AHCYL2: variants seen among roughly 807,000 people sequenced by gnomAD.
AHCYL2 encodes adenosylhomocysteinase like 2.
AHCYL2 carries 28 observed loss-of-function variants against 81.4 expected under a neutral mutation model. The observed-to-expected ratio is 0.34, with a 90% CI of 0.25 to 0.47. The LOEUF (loss-of-function observed/expected upper bound fraction) is 0.47, where lower values mean the gene tolerates loss of function less well. AHCYL2 is among the 20% of genes least tolerant of loss of function. The pLI, the probability that AHCYL2 is intolerant of heterozygous loss-of-function variation, is 1.00. For missense variants in AHCYL2, 551 were observed against 785.1 expected (o/e 0.70, Z 3.56); for synonymous variants, 272 against 290.2 (o/e 0.94, Z 0.64).
At chr7:129,321,274 C>T (rs1798003977) in intron 1 of AHCYL2, among the ~76,000 whole-genome samples, 1 of 152,126 alleles carries the variant, frequency 6.6e-6, no homozygotes, top group Non-Finnish European at 1.5e-5. Flanking sequence ...AGTTTTTCAT[C>T]CTTACGTATA....
At chr7:129,365,116 C>G (rs1371576232) in intron 1 of AHCYL2, among the ~76,000 whole-genome samples, 1 of 152,152 alleles carries the variant, frequency 6.6e-6, no homozygotes, top group African/African-American at 2.4e-5. Flanking sequence ...TGGAGACTAA[C>G]AAGGGGTAGC....
intron 1 of AHCYL2, among the ~76,000 whole-genome samples, chr7:129,334,581 C>T (rs1188717430): frequency 6.6e-6 from 1 of 152,164 alleles, no homozygotes; most frequent in Non-Finnish European, 1.5e-5. Flanking sequence ...TTGGATAATG[C>T]ACTTCTACTA....
Position 129,368,989 on chromosome 7 carries a change from C to A in AHCYL2, c.364-10649C>A, listed in dbSNP as rs1228079292. Among the ~76,000 whole-genome samples, 1 of 152,208 alleles carries A rather than the reference C, an allele frequency of 6.6e-6. No homozygotes were observed. The highest frequency in any genetic ancestry group is 2.4e-5 in the African/African-American group (1 of 41,448). On this transcript the variant is annotated intron_variant, in intron 1 of 16. Transcript: ENST00000325006. This position sits in a 1 kb window ranked among gnomAD's most constrained non-coding sequence, Gnocchi z 4.4. ...AAGTCTGCAAAGATTGCAAACATTT[C>A]TCCCCTCCCTGCCCGTATTTTTCCC...
chr7:129,230,666 G>C (rs747814726), intron 1 of AHCYL2, among the ~76,000 whole-genome samples: 1 of 149,942 alleles, frequency 6.7e-6, no homozygotes, highest in African/African-American at 2.5e-5. Context: ...TCTGCCTCCC[G>C]GGTTCAAGTG....
intron 1 of AHCYL2, among the ~76,000 whole-genome samples, 157 bp downstream of exon 1, chr7:129,225,596 C>G (rs1252844419): frequency 5.3e-5 from 8 of 152,124 alleles, no homozygotes; most frequent in Non-Finnish European, 1.2e-4. Flanking sequence ...GAGATGCCCC[C>G]CAGCCGGCCC....
chr7:129,376,035 C>G, intron 1 of AHCYL2: 2 of 1,391,440 alleles, frequency 1.4e-6, no homozygotes, highest in Non-Finnish European at 2.0e-6. Flanking sequence ...ATCCCTCCCT[C>G]TGGCATAAGG....
At chr7:129,278,171 T>C (rs1327028428) in intron 1 of AHCYL2, among the ~76,000 whole-genome samples, 1 of 152,208 alleles carries the variant, frequency 6.6e-6, no homozygotes, top group Non-Finnish European at 1.5e-5. Flanking sequence ...TGAGAATCTT[T>C]TCATGTACTT....
intron 1 of AHCYL2, among the ~76,000 whole-genome samples, chr7:129,349,181 A>G (rs1793463727): frequency 6.6e-6 from 1 of 152,208 alleles, no homozygotes; most frequent in South Asian, 2.1e-4. Context: ...CTTCATCTTG[A>G]AAATGTTTTG....
chr7:129,354,960 C>CT (rs202190673), intron 1 of AHCYL2, among the ~76,000 whole-genome samples: 3,495 of 152,160 alleles, frequency 0.023, 67 homozygotes, highest in Admixed American at 0.056. Context: ...TGCAAATTTG[C>CT]CTAGTCAGTA....
intron 1 of AHCYL2, among the ~76,000 whole-genome samples, chr7:129,268,680 T>G (rs1359192275): frequency 2.0e-5 from 3 of 152,240 alleles, no homozygotes; most frequent in Non-Finnish European, 4.4e-5. Context: ...ACGACATTAA[T>G]GCTGTGGTTG....
At chr7:129,318,710 A>AT (rs2150784800) in intron 1 of AHCYL2, among the ~76,000 whole-genome samples, 1 of 152,294 alleles carries the variant, frequency 6.6e-6, no homozygotes, top group East Asian at 1.9e-4. Context: ...AAAAGAAACC[A>AT]TGGGAGAATT....
chr7:129,332,021 T>G (rs1218499724), intron 1 of AHCYL2, among the ~76,000 whole-genome samples: 3 of 151,978 alleles, frequency 2.0e-5, no homozygotes, highest in Non-Finnish European at 1.5e-5. Context: ...CACTTTTATC[T>G]GCCTGACTTC....
In AHCYL2 at chr7:129,403,860, CAAAAAAAAAAAA is replaced by C. The variant is rs34806455; in HGVS notation, c.1025+395_1025+406del. 3.2e-4 allele frequency among the ~76,000 whole-genome samples: 26 copies of C among 80,218 alleles called. 1 individual carries two copies. The highest frequency in any genetic ancestry group is 1.0e-3 in the Admixed American group (7 of 6,886). 52.6% of individuals were successfully genotyped at this position (80,218 alleles called of 152,430 possible). On this transcript the variant is annotated intron_variant, in intron 7 of 16. Transcript: ENST00000325006. ...TGGGTGACAGAGCGAGACTCCATCT[CAAAAAAAAAAAA>C]AAAAAAAAAAAAAAAAAAATTGGAG...
chr7:129,287,462 T>C (rs1317802636), intron 1 of AHCYL2, among the ~76,000 whole-genome samples: 1 of 152,218 alleles, frequency 6.6e-6, no homozygotes, highest in African/African-American at 2.4e-5. Flanking sequence ...GTGGGTGGTA[T>C]AGCTGAAAAC....
chr7:129,325,438 C>CT (rs1285961420), intron 1 of AHCYL2, among the ~76,000 whole-genome samples: 1 of 151,814 alleles, frequency 6.6e-6, no homozygotes, highest in Non-Finnish European at 1.5e-5. Flanking sequence ...TTTTTCCCCT[C>CT]TCGATGCTTT....
At chr7:129,421,927 T>C (rs1308799925) in intron 12 of AHCYL2, among the ~76,000 whole-genome samples, 1 of 152,270 alleles carries the variant, frequency 6.6e-6, no homozygotes, top group Non-Finnish European at 1.5e-5. Flanking sequence ...TAAATCATTA[T>C]TGTATAACTA....
intron 1 of AHCYL2, among the ~76,000 whole-genome samples, chr7:129,318,768 C>G (rs1391515770): frequency 6.6e-6 from 1 of 150,674 alleles, no homozygotes; most frequent in Non-Finnish European, 1.5e-5. Flanking sequence ...ATTCCAGAAG[C>G]CACAAAAGAA....
At chr7:129,234,797 CTCCT>C (rs1794581177) in intron 1 of AHCYL2, among the ~76,000 whole-genome samples, 2 of 152,188 alleles carry the variant, frequency 1.3e-5, no homozygotes, top group African/African-American at 4.8e-5. Context: ...TGCTTGGCCT[CTCCT>C]GTCTTAAAGA....
At chr7:129,414,483 C>T (rs1264960805) in intron 12 of AHCYL2, among the ~76,000 whole-genome samples, 7 of 142,246 alleles carry the variant, frequency 4.9e-5, no homozygotes, top group South Asian at 2.2e-4. Context: ...TGCAGTGGCG[C>T]GGTCTCGGCT....
Sources: gnomAD v4.1 joint callset for allele counts (sites outside exome capture counted in the v4.1 genomes callset) on GRCh38, gnomAD v4.1.1 for gene constraint, Gnocchi (gnomAD v3.1) non-coding constraint, MANE v1.5 for transcripts, NCBI Gene and HGNC (gene_info 2026-07-23, HGNC 2026-07-21) for gene names.